Variants in ANO10 observed in about 807,000 individuals in gnomAD.
ANO10 encodes the protein anoctamin 10.
In ANO10, 77 loss-of-function variants were observed where a neutral mutation model predicts 74.7. The observed-to-expected ratio is 1.03, with a 90% confidence interval of 0.86 to 1.25. ANO10 has a LOEUF of 1.25. Among genes scored for constraint, ANO10 ranks in the 50% most tolerant of loss-of-function variants. The pLI, the probability that ANO10 is intolerant of heterozygous loss-of-function variation, is 0.00. For missense variants in ANO10, 721 were observed against 778.1 expected, an observed-to-expected ratio of 0.93 and a Z score of 0.87; for synonymous variants, 279 against 284.9, an observed-to-expected ratio of 0.98 and a Z score of 0.21.
chr3:43,485,789 T>C, intron 11 of ANO10: 1 of 260,342 alleles, frequency 3.8e-6, no homozygotes, highest in Non-Finnish European at 7.6e-6. Context: ...CGCAAAGATT[T>C]GCATGTGGTA....
Position 43,549,712 on chromosome 3 carries a change from TTAC to T in ANO10, c.1797+5_1797+7del. Reference sequence around the variant, plus strand: ...TACTGCTTAAAATAAGTTTAAATCTTTACTTACCTCCACTGCTACTACAATCAA... The same window carrying T: ...TACTGCTTAAAATAAGTTTAAATCTTTTACCTCCACTGCTACTACAATCAA... On this transcript the variant is annotated splice_donor_5th_base_variant and intron_variant, in intron 11 of 12. Coordinates refer to ENST00000292246, the MANE Select transcript of ANO10 (RefSeq NM_018075.5). 1 of 1,613,878 alleles carries T rather than the reference TTAC, an allele frequency of 6.2e-7. No individual in the cohort carries two copies. The highest frequency in any genetic ancestry group is 1.1e-5 in the South Asian group (1 of 91,080).
intron 10 of ANO10, among the ~76,000 whole-genome samples, chr3:43,553,654 G>A (rs1469450008): frequency 1.3e-5 from 2 of 151,516 alleles, no homozygotes; most frequent in African/African-American, 2.4e-5. Flanking sequence ...TCCTGCCTCA[G>A]CCTCCCAAGT....
At chr3:43,592,650 C>T (rs992369223) in intron 4 of ANO10, among the ~76,000 whole-genome samples, 1 of 152,172 alleles carries the variant, frequency 6.6e-6, no homozygotes, top group Admixed American at 6.5e-5. Flanking sequence ...TGGAGAGAAA[C>T]CAGAGCAGAA....
intron 12 of ANO10, among the ~76,000 whole-genome samples, chr3:43,431,218 G>A (rs565191763): frequency 1.3e-4 from 20 of 151,698 alleles, no homozygotes; most frequent in African/African-American, 3.1e-4. Context: ...TACTACAAGC[G>A]TGCACCACCA....
At chr3:43,616,811 C>T (rs2083132281) in intron 1 of ANO10, among the ~76,000 whole-genome samples, 1 of 152,056 alleles carries the variant, frequency 6.6e-6, no homozygotes, top group African/African-American at 2.4e-5. Flanking sequence ...GCTCTCTGCT[C>T]AGGAAATGTC....
intron 9 of ANO10, among the ~76,000 whole-genome samples, chr3:43,557,216 AC>A (rs568679223): frequency 1.4e-4 from 21 of 151,982 alleles, no homozygotes; most frequent in South Asian, 6.2e-4. Context: ...AAACAAGGTG[AC>A]CCCACAAAAT....
At chr3:43,592,305 T>C (rs2081823543) in intron 4 of ANO10, among the ~76,000 whole-genome samples, 1 of 152,212 alleles carries the variant, frequency 6.6e-6, no homozygotes, top group Non-Finnish European at 1.5e-5. Flanking sequence ...CCTCCTCAAG[T>C]GGGTCCCTGA....
chr3:43,407,202 C>T (rs994731453), intron 12 of ANO10, among the ~76,000 whole-genome samples: 1 of 152,170 alleles, frequency 6.6e-6, no homozygotes, highest in Non-Finnish European at 1.5e-5. Flanking sequence ...CCATGCACAG[C>T]TGCAATGGAG....
intron 8 of ANO10, among the ~76,000 whole-genome samples, chr3:43,564,608 CCT>C (rs1439324743): frequency 6.6e-6 from 1 of 152,028 alleles, no homozygotes; most frequent in Non-Finnish European, 1.5e-5. Context: ...TTTTACTTGG[CCT>C]GTACACTGCT....
chr3:43,475,587 G>C (rs991985422), intron 11 of ANO10, among the ~76,000 whole-genome samples: 1 of 151,884 alleles, frequency 6.6e-6, no homozygotes, highest in Admixed American at 6.6e-5. Flanking sequence ...TTGTGGGGGG[G>C]GTTCTTTGTT....
rs2080651437 is a variant in ANO10 at position 43,570,624 on chromosome 3, T to C, written c.1218+4185A>G. On this transcript the variant is annotated intron_variant, in intron 7 of 12. Transcript: ENST00000292246. The stretch of plus-strand genomic sequence containing the variant: ...AATAAATGGTGCTGGGAAAACTGGC[T>C]AGCCATATGTAGAAAGCTGAAACTG... 4.6e-5 allele frequency among the ~76,000 whole-genome samples: 7 copies of C among 151,666 alleles called. No individual in the cohort carries two copies. In the South Asian group the frequency reaches 1.5e-3, roughly 32 times the overall value.
chr3:43,589,051 C>T (rs1215655565), intron 4 of ANO10, among the ~76,000 whole-genome samples: 1 of 151,994 alleles, frequency 6.6e-6, no homozygotes, highest in African/African-American at 2.4e-5. Context: ...AATCTAAGTA[C>T]TCATGTCATA....
At chr3:43,554,998 T>C (rs2079668689) in intron 10 of ANO10, among the ~76,000 whole-genome samples, 2 of 152,150 alleles carry the variant, frequency 1.3e-5, no homozygotes, top group African/African-American at 4.8e-5. Flanking sequence ...TGAGATGAAG[T>C]CTTAGCTGGC....
chr3:43,431,876 T>G (rs112188238), intron 12 of ANO10, among the ~76,000 whole-genome samples: 1 of 152,012 alleles, frequency 6.6e-6, no homozygotes, highest in Non-Finnish European at 1.5e-5. Flanking sequence ...ACTCCCCAAA[T>G]GTAAGAAGAA....
At position 43,677,270 on chromosome 3, in the gene ANO10, C is replaced by T. The variant is rs576197627; in HGVS notation, c.-12+14247G>A. Among the ~76,000 whole-genome samples, 285 of 152,260 alleles carry T rather than the reference C, an allele frequency of 1.9e-3. 2 individuals are homozygous for T. The highest frequency in any genetic ancestry group is 3.3e-3 in the Non-Finnish European group (227 of 68,010). ...AAACCAAATACTGCATGTTCCCACT[C>T]ATAAGTGGGAGCTCACGCCTGTAAT... On this transcript the variant is annotated intron_variant, in intron 1 of 3. Transcript: ENST00000413397.
chr3:43,661,420 AG>A (rs2083925573), intron 1 of ANO10, among the ~76,000 whole-genome samples: 3 of 152,370 alleles, frequency 2.0e-5, no homozygotes, highest in Middle Eastern at 3.4e-3. Flanking sequence ...AAACATGGAT[AG>A]GAACAACCAG....
At chr3:43,502,979 C>T (rs2077154136) in intron 11 of ANO10, among the ~76,000 whole-genome samples, 1 of 152,060 alleles carries the variant, frequency 6.6e-6, no homozygotes. Context: ...TTCTGTTTTA[C>T]AAGATGAAAA....
At chr3:43,655,330 C>T (rs975711764) in intron 1 of ANO10, among the ~76,000 whole-genome samples, 9 of 152,094 alleles carry the variant, frequency 5.9e-5, no homozygotes, top group Non-Finnish European at 1.5e-5. Context: ...GAGTTTCTTC[C>T]TTCTGGTGGG....
At chr3:43,579,460 G>T (rs985499637) in intron 5 of ANO10, among the ~76,000 whole-genome samples, 2 of 152,206 alleles carry the variant, frequency 1.3e-5, no homozygotes, top group African/African-American at 4.8e-5. Context: ...GCTCACACCT[G>T]TAATTCCAGC....
Sources: allele counts gnomAD v4.1 joint callset (sites outside exome capture counted in the v4.1 genomes callset), GRCh38; gene constraint gnomAD v4.1.1; transcripts MANE v1.5; gene names NCBI Gene and HGNC (gene_info 2026-07-23, HGNC 2026-07-21).